Variants in CRMP1 observed in about 807,000 individuals in gnomAD.
CRMP1 encodes the protein dihydropyrimidinase-related protein 1.
A neutral mutation model predicts 68.3 loss-of-function variants in CRMP1; 19 were observed. The observed-to-expected ratio is 0.28, with a 90% CI of 0.19 to 0.41. CRMP1 has a LOEUF of 0.41. Among genes scored for constraint, CRMP1 ranks in the 10% least tolerant of loss-of-function variants. CRMP1 has a pLI of 1.00. For missense variants in CRMP1, 791 were observed against 967.4 expected (o/e 0.82, Z 2.42); for synonymous variants, 439 against 399.6 (o/e 1.10, Z -1.18).
At chr4:5,833,311 C>T (rs1004182166) in intron 11 of CRMP1, among the ~76,000 whole-genome samples, 4 of 132,122 alleles carry the variant, frequency 3.0e-5, no homozygotes, top group South Asian at 2.5e-4. Flanking sequence ...GGACTACAGG[C>T]GCCCGCCACT....
chr4:5,889,812 C>T lies in CRMP1; in HGVS notation c.381+2777G>A. 2 of 1,507,570 alleles carry T rather than the reference C, an allele frequency of 1.3e-6. No homozygotes were observed. Among genetic ancestry groups the T allele is most frequent in the Admixed American group, 4.1e-5 (2 of 48,762 alleles). 93.4% of individuals were successfully genotyped at this position (1,507,570 alleles called of 1,614,324 possible). ...CTTCACCACCCCAGGGGCCAGTCCCCTAATCCAGGGCAGGAGGCCAGAGAC... is the reference window on the plus strand; with the variant it reads ...CTTCACCACCCCAGGGGCCAGTCCCTTAATCCAGGGCAGGAGGCCAGAGAC... On this transcript the variant is annotated intron_variant, in intron 1 of 13. Transcript: ENST00000324989. The surrounding 1 kb of genome is among the most constrained non-coding windows in gnomAD (Gnocchi z 4.5).
At position 5,858,072 on chromosome 4, in the gene CRMP1, G is replaced by A. The variant is rs1389013722; in HGVS notation, c.656-1765C>T. Among the ~76,000 whole-genome samples the A allele has an allele frequency of 1.3e-5, 2 of 152,098 alleles. No homozygotes were observed. The highest frequency in any genetic ancestry group is 2.9e-5 in the Non-Finnish European group (2 of 68,034). Reference sequence around the variant, plus strand: ...CTCTAGGTCTAATGGGGAGCATGCAGTCCTCAGTCTCTTGGCCTCTCAGGG... The same window carrying A: ...CTCTAGGTCTAATGGGGAGCATGCAATCCTCAGTCTCTTGGCCTCTCAGGG... On this transcript the variant is annotated intron_variant, in intron 3 of 13. Coordinates refer to ENST00000324989, the MANE Select transcript of CRMP1 (RefSeq NM_001014809.3). The surrounding 1 kb of genome is among the most constrained non-coding windows in gnomAD (Gnocchi z 5.5).
intron 1 of CRMP1, chr4:5,887,644 C>T: frequency 2.0e-6 from 2 of 985,566 alleles, no homozygotes; most frequent in Non-Finnish European, 2.4e-6. Flanking sequence ...CAGCCGCCAG[C>T]GTCGCCCCAT....
intron 6 of CRMP1, among the ~76,000 whole-genome samples, chr4:5,844,410 G>C (rs946821855): frequency 1.3e-5 from 2 of 152,114 alleles, no homozygotes; most frequent in Admixed American, 1.3e-4. Flanking sequence ...AGAAAGCCAG[G>C]AGGGAGGGAG....
rs973131286 is a variant in CRMP1 at position 5,838,646 on chromosome 4, C to T, written c.1310+876G>A. On this transcript the variant is annotated intron_variant, in intron 9 of 13. Transcript: ENST00000324989. The surrounding 1 kb of genome is among the most constrained non-coding windows in gnomAD (Gnocchi z 4.9). ...GGGAAGATCTGCAGTTCTTTGTAAA[C>T]GTGAGCTGCCCACCAGACATTGGAC... is the stretch of plus-strand genomic sequence containing the variant. Among the ~76,000 whole-genome samples, 1 of 152,164 alleles carries T rather than the reference C, an allele frequency of 6.6e-6. No individual in the cohort carries two copies. Among genetic ancestry groups the T allele is most frequent in the African/African-American group, 2.4e-5 (1 of 41,436 alleles).
Position 5,843,445 on chromosome 4 carries a change from C to G in CRMP1, c.964-284G>C, listed in dbSNP as rs769276302. On this transcript the variant is annotated intron_variant, in intron 6 of 13. Transcript: ENST00000324989. This position sits in a 1 kb window ranked among gnomAD's most constrained non-coding sequence, Gnocchi z 4.1. ...AGCAGGGTTATAAGACACGAGCTTC[C>G]AAGGCCACCCACCACTCTCTGAATC... 1.3e-5 allele frequency among the ~76,000 whole-genome samples: 2 copies of G among 152,082 alleles called. No individual in the cohort carries two copies. Among genetic ancestry groups the G allele is most frequent in the Non-Finnish European group, 2.9e-5 (2 of 67,998 alleles).
At chr4:5,840,422 G>C (rs1029981896) in intron 8 of CRMP1, among the ~76,000 whole-genome samples, 1 of 152,152 alleles carries the variant, frequency 6.6e-6, no homozygotes, top group Admixed American at 6.5e-5. Context: ...GATGTGGCCC[G>C]AGACCCCCTG....
intron 1 of CRMP1, among the ~76,000 whole-genome samples, chr4:5,871,325 A>C (rs999294052): frequency 2.0e-5 from 3 of 152,204 alleles, no homozygotes; most frequent in African/African-American, 7.2e-5. Context: ...TTTAGTAGGT[A>C]CAGGCCCAGA....
chr4:5,855,433 C>T lies in CRMP1; in HGVS notation c.820+710G>A, dbSNP rs1338813920. Among the ~76,000 whole-genome samples, 1 of 152,226 alleles carries T rather than the reference C, an allele frequency of 6.6e-6. No homozygotes were observed. Among genetic ancestry groups the T allele is most frequent in the Non-Finnish European group, 1.5e-5 (1 of 68,040 alleles). On this transcript the variant is annotated intron_variant, in intron 4 of 13. Coordinates refer to ENST00000324989, the MANE Select transcript of CRMP1 (RefSeq NM_001014809.3). This position sits in a 1 kb window ranked among gnomAD's most constrained non-coding sequence, Gnocchi z 4.9. ...TCATGCCCTGTCTCTTTCCATTCTGCTGTTCTTTGCTTCCTTTGTGTCTTC... is the reference window on the plus strand; with the variant it reads ...TCATGCCCTGTCTCTTTCCATTCTGTTGTTCTTTGCTTCCTTTGTGTCTTC...
rs1040446094 is a variant in CRMP1, at chr4:5,865,018, A to C, written c.470+1650T>G. Among the ~76,000 whole-genome samples the C allele has an allele frequency of 6.6e-6, 1 of 151,906 alleles. No homozygotes were observed. The highest frequency in any genetic ancestry group is 2.4e-5 in the African/African-American group (1 of 41,342). On this transcript the variant is annotated intron_variant, in intron 2 of 13. Coordinates refer to ENST00000324989, the MANE Select transcript of CRMP1 (RefSeq NM_001014809.3). The surrounding 1 kb of genome is among the most constrained non-coding windows in gnomAD (Gnocchi z 4.1). ...TATCCCTCTTCACTGGGTGATTTGCATATGTGGTCCCTTTCAATGCCCCCA... is the reference window on the plus strand; with the variant it reads ...TATCCCTCTTCACTGGGTGATTTGCCTATGTGGTCCCTTTCAATGCCCCCA...
At chr4:5,823,588 C>G (rs1465739194) in intron 13 of CRMP1, among the ~76,000 whole-genome samples, 1 of 152,192 alleles carries the variant, frequency 6.6e-6, no homozygotes. Flanking sequence ...GTCAGCCTTA[C>G]AGTAATGAGT....
At chr4:5,835,241 C>G (rs1720655605) in intron 11 of CRMP1, among the ~76,000 whole-genome samples, 1 of 152,146 alleles carries the variant, frequency 6.6e-6, no homozygotes, top group Non-Finnish European at 1.5e-5. Flanking sequence ...CCTCTTGGGT[C>G]TGTGCGTGTA....
rs547739898 is a variant in CRMP1 at position 5,834,967 on chromosome 4, G to A, written c.1623+948C>T. On this transcript the variant is annotated intron_variant, in intron 11 of 13. Transcript: ENST00000324989. The surrounding 1 kb of genome is among the most constrained non-coding windows in gnomAD (Gnocchi z 4.3). ...CAATGGATACTCCAGGGCCATGGCC[G>A]TGAGCTGCTACAAGTGTTTCCTGTG... Among the ~76,000 whole-genome samples, 40 of 152,290 alleles carry A rather than the reference G, an allele frequency of 2.6e-4. No homozygotes were observed. The highest frequency in any genetic ancestry group is 8.4e-4 in the African/African-American group (35 of 41,574).
Position 5,828,613 on chromosome 4 carries a change from A to G in CRMP1, c.1679T>C (p.Val560Ala), listed in dbSNP as rs1386173274. ...AAAGACGATCTTGCCCTGGCTGATGACCACTAGTGGGGAGCCGTGGCACTC... is the reference window on the plus strand; with the variant it reads ...AAAGACGATCTTGCCCTGGCTGATGGCCACTAGTGGGGAGCCGTGGCACTC... ...GMECHGSPLV[V>A]ISQGKIVFED... Residue 560 changes from valine to alanine, a missense_variant, in exon 12 of 14, where the codon GTC becomes GCC. By Grantham distance (64) the Val-to-Ala change is moderately conservative (BLOSUM62 0). This residue lies in a region of CRMP1 where 594 missense variants were observed against 763.6 expected (regional missense o/e 0.78). Transcript: ENST00000324989. 6.2e-7 allele frequency: 1 copy of G among 1,614,106 alleles called. No homozygotes were observed. The highest frequency in any genetic ancestry group is 8.5e-7 in the Non-Finnish European group (1 of 1,180,016).
At chr4:5,873,457 T>C (rs558668371) in intron 1 of CRMP1, among the ~76,000 whole-genome samples, 2 of 151,882 alleles carry the variant, frequency 1.3e-5, no homozygotes, top group East Asian at 3.9e-4. Context: ...GATGCTGGCA[T>C]CTGCTTGGCT....
rs750228519 is a variant in CRMP1 at position 5,870,305 on chromosome 4, G to A, written c.382-3549C>T. On this transcript the variant is annotated intron_variant, in intron 1 of 13. Coordinates refer to ENST00000324989, the MANE Select transcript of CRMP1 (RefSeq NM_001014809.3). This position sits in a 1 kb window ranked among gnomAD's most constrained non-coding sequence, Gnocchi z 6.0. ...CCGTTTATGTATTCACAGTATTTAC[G>A]GCACATCTGGCAGGCTATGTATTTC... 8.5e-5 allele frequency among the ~76,000 whole-genome samples: 13 copies of A among 152,170 alleles called. No individual in the cohort carries two copies. Among genetic ancestry groups the A allele is most frequent in the African/African-American group, 1.4e-4 (6 of 41,436 alleles).
intron 1 of CRMP1, among the ~76,000 whole-genome samples, chr4:5,880,515 C>T (rs1238430870): frequency 6.6e-6 from 1 of 152,152 alleles, no homozygotes; most frequent in Non-Finnish European, 1.5e-5. Context: ...CTCCAAGTTC[C>T]AACACCAGGT....
In CRMP1 at chr4:5,889,372, C is replaced by A. The variant is rs547512977; in HGVS notation, c.381+3217G>T. 2.0e-5 allele frequency among the ~76,000 whole-genome samples: 3 copies of A among 152,324 alleles called. No homozygotes were observed. The South Asian group carries it at 6.2e-4, about 32-fold the overall frequency. On this transcript the variant is annotated intron_variant, in intron 1 of 13. Transcript: ENST00000324989. The surrounding 1 kb of genome is among the most constrained non-coding windows in gnomAD (Gnocchi z 4.5). The stretch of plus-strand genomic sequence containing the variant: ...CACTGGCACCAAGGTCTCCACAGCC[C>A]TGGGGACAAGCTGGGGGTCAGGAGG...
rs747403020 is a variant in CRMP1 at position 5,889,877 on chromosome 4, G to A, written c.381+2712C>T. 6.3e-6 allele frequency: 9 copies of A among 1,427,282 alleles called. No homozygotes were observed. Among genetic ancestry groups the A allele is most frequent in the Non-Finnish European group, 8.2e-6 (9 of 1,093,288 alleles). The allele number at this position is 1,427,282 out of a possible 1,614,324, so 88.4% of individuals were successfully genotyped here. ...ATAGAGGTGAGGTTTTAGCTTCACA[G>A]AGAAGCCAGCTCAGTATCCCAGGAA... On this transcript the variant is annotated intron_variant, in intron 1 of 13. Coordinates refer to ENST00000324989, the MANE Select transcript of CRMP1 (RefSeq NM_001014809.3). The surrounding 1 kb of genome is among the most constrained non-coding windows in gnomAD (Gnocchi z 4.5).
Sources: allele counts gnomAD v4.1 joint callset (sites outside exome capture counted in the v4.1 genomes callset), GRCh38; gene constraint gnomAD v4.1.1; regional missense constraint gnomAD v4.1.1; non-coding constraint Gnocchi (gnomAD v3.1); transcripts MANE v1.5; gene names NCBI Gene and HGNC (gene_info 2026-07-23, HGNC 2026-07-21).